The following GTF3C1 variants were observed in gnomAD, a reference collection of about 807,000 sequenced individuals.
The protein encoded by GTF3C1 is general transcription factor IIIC subunit 1.
GTF3C1 carries 57 observed loss-of-function variants against 226.7 expected under a neutral mutation model. That is an observed-to-expected ratio of 0.25 (90% CI 0.20 to 0.31). GTF3C1 has a LOEUF of 0.31. Ranked by LOEUF, GTF3C1 falls within the 10% of genes least tolerant of loss-of-function variation. The pLI is 1.00. For synonymous variants in GTF3C1, 1,090 were observed against 1,084.8 expected (o/e 1.00, Z -0.09); for missense variants, 2,217 against 2,776.1 (o/e 0.80, Z 4.53).
chr16:27,503,337 G>T (rs565215920), intron 10 of GTF3C1, among the ~76,000 whole-genome samples: 2 of 152,336 alleles, frequency 1.3e-5, no homozygotes, highest in African/African-American at 4.8e-5. Context: ...GGAAGAAACT[G>T]ATGTACAGAC....
At chr16:27,506,757 C>G in intron 9 of GTF3C1, 90 bp downstream of exon 9, 1 of 900,692 alleles carries the variant, frequency 1.1e-6, no homozygotes, top group South Asian at 1.8e-5. Context: ...CAAGGGCAAC[C>G]GCAGGTGTTT....
chr16:27,481,332 AC>A, intron 26 of GTF3C1, 141 bp from the exon 27 acceptor site: 1 of 679,244 alleles, frequency 1.5e-6, no homozygotes, highest in Non-Finnish European at 2.6e-6. Context: ...TCCCCTGGTC[AC>A]CTGTCATCTG....
chr16:27,461,572 C>A lies in GTF3C1; in HGVS notation c.6118-10G>T. On this transcript the variant is annotated splice_polypyrimidine_tract_variant and intron_variant, in intron 36 of 36. Transcript: ENST00000356183. The surrounding 1 kb of genome is among the most constrained non-coding windows in gnomAD (Gnocchi z 5.3). The stretch of plus-strand genomic sequence containing the variant: ...CGAGGGACTCCAGGCCCTGGAGACA[C>A]CAGACACACAGGTTACAGCGGCACT... The A allele has an allele frequency of 6.2e-7, 1 of 1,602,014 alleles. No individual in the cohort carries two copies.
In GTF3C1 at chr16:27,506,073, C is replaced by T. The variant is rs781464590; in HGVS notation, c.1596G>A (p.Pro532=). 9.3e-6 allele frequency: 15 copies of T among 1,613,496 alleles called. No homozygotes were observed. Among genetic ancestry groups the T allele is most frequent in the African/African-American group, 1.3e-5 (1 of 74,902 alleles). Residue 532 remains proline, a synonymous_variant, in exon 10 of 37, where the codon CCG becomes CCA. Coordinates refer to ENST00000356183, the MANE Select transcript of GTF3C1 (RefSeq NM_001520.4). ...CTTCAGCAGCTCCTGGGAAGGAGGGCGGCTGCTTTTTCAATGGGTGTAGGT... is the reference window on the plus strand; with the variant it reads ...CTTCAGCAGCTCCTGGGAAGGAGGGTGGCTGCTTTTTCAATGGGTGTAGGT... ...VVNLHPLKKQ[P]PSFPGAAEER... is the part of the protein sequence containing the mutation.
chr16:27,532,034 C>T (rs559197677), intron 5 of GTF3C1, among the ~76,000 whole-genome samples: 12 of 152,288 alleles, frequency 7.9e-5, no homozygotes, highest in Admixed American at 3.9e-4. Flanking sequence ...AGGTGGACTG[C>T]GGGGGACCCA....
At position 27,531,010 on chromosome 16, in the gene GTF3C1, C is replaced by T. The variant is rs563251563; in HGVS notation, c.849+2281G>A. On this transcript the variant is annotated intron_variant, in intron 5 of 36. Coordinates refer to ENST00000356183, the MANE Select transcript of GTF3C1 (RefSeq NM_001520.4). ...CCAGCCCTCATGACCACAACCTCGC[C>T]ACCTTCTTCCCATCCCCTTCCCTCC... Among the ~76,000 whole-genome samples, 7 of 152,280 alleles carry T rather than the reference C, an allele frequency of 4.6e-5. No individual in the cohort carries two copies. The East Asian group carries it at 1.4e-3, about 29-fold the overall frequency.
At chr16:27,511,099 T>G (rs2088565109) in intron 7 of GTF3C1, among the ~76,000 whole-genome samples, 1 of 152,238 alleles carries the variant, frequency 6.6e-6, no homozygotes. Flanking sequence ...AGGTTTTATC[T>G]CTGGGTGTGT....
chr16:27,473,389 C>A (rs1200000364), intron 29 of GTF3C1, among the ~76,000 whole-genome samples: 3 of 152,252 alleles, frequency 2.0e-5, no homozygotes, highest in Admixed American at 2.0e-4. Flanking sequence ...CTGCAAAGGG[C>A]AAGCAACCAG....
intron 1 of GTF3C1, among the ~76,000 whole-genome samples, chr16:27,548,630 C>T (rs1334746024): frequency 1.3e-5 from 2 of 152,142 alleles, no homozygotes; most frequent in African/African-American, 4.8e-5. Flanking sequence ...AGAGCACAGA[C>T]GCTGAAAATA....
rs371577461 is a variant in GTF3C1 at position 27,543,941 on chromosome 16, G to A, written c.431+1373C>T. Among the ~76,000 whole-genome samples, 27 of 152,280 alleles carry A rather than the reference G, an allele frequency of 1.8e-4. No individual in the cohort carries two copies. In the East Asian group the frequency reaches 4.6e-3, roughly 26 times the overall value. ...GTGGGCAAAGGAGTGAAGGGGAGGTGAAGAGGGAGAAACAGTGAATGGGGG... is the reference window on the plus strand; with the variant it reads ...GTGGGCAAAGGAGTGAAGGGGAGGTAAAGAGGGAGAAACAGTGAATGGGGG... On this transcript the variant is annotated intron_variant, in intron 2 of 36. Coordinates refer to ENST00000356183, the MANE Select transcript of GTF3C1 (RefSeq NM_001520.4).
intron 2 of GTF3C1, among the ~76,000 whole-genome samples, chr16:27,541,534 G>GA (rs1394745261): frequency 6.6e-6 from 1 of 152,170 alleles, no homozygotes; most frequent in Non-Finnish European, 1.5e-5. Context: ...ATCTAGTGAG[G>GA]AAACAGTGAC....
intron 10 of GTF3C1, among the ~76,000 whole-genome samples, chr16:27,504,745 C>T (rs937462678): frequency 1.3e-5 from 2 of 151,708 alleles, no homozygotes; most frequent in Non-Finnish European, 2.9e-5. Context: ...ATGAAACCAT[C>T]TCTACAAAAA....
In GTF3C1 at chr16:27,464,632, A is replaced by G. The variant is rs762653996; in HGVS notation, c.5560T>C (p.Ser1854Pro). Residue 1854 changes from serine (S) to proline (P), a missense_variant, in exon 34 of 37, where the codon TCT becomes CCT. Around this residue, in one of 12 missense-constraint regions of GTF3C1, gnomAD observed 455 missense variants for 441.9 expected, o/e 1.03. Transcript: ENST00000356183. ...CTCTTGGTGCCCCGGGGGCTGTGAGAAGGAGGTGCCTGCCCCTCGGGGGGG... is the reference window on the plus strand; with the variant it reads ...CTCTTGGTGCCCCGGGGGCTGTGAGGAGGAGGTGCCTGCCCCTCGGGGGGG... ...DSPPEGQAPP[S>P]HSPRGTKRRA... 6 of 1,509,626 alleles carry G rather than the reference A, an allele frequency of 4.0e-6. No homozygotes were observed. The East Asian group carries it at 1.2e-4, about 30-fold the overall frequency. The allele number at this position is 1,509,626 out of a possible 1,614,324, so 93.5% of individuals were successfully genotyped here. A position where few individuals can be genotyped will look rare whatever the true frequency, so the allele number is the denominator to read the frequency against.
At chr16:27,506,779 G>C in intron 9 of GTF3C1, 68 bp downstream of exon 9, 1 of 1,167,542 alleles carries the variant, frequency 8.6e-7, no homozygotes, top group Non-Finnish European at 1.2e-6. Flanking sequence ...CTGAACTGAA[G>C]GGGTGTTTCT....
rs1274755044 is a variant in GTF3C1 at position 27,486,039 on chromosome 16, C to G, written c.3816G>C (p.Leu1272=). The G allele has an allele frequency of 6.2e-7, 1 of 1,612,478 alleles. No homozygotes were observed. The highest frequency in any genetic ancestry group is 8.5e-7 in the Non-Finnish European group (1 of 1,178,792). ...RVTWSMQEDG[L]LVLCRIASNV... is the part of the protein sequence containing the mutation. ...TGCTGGCAATGCGGCACAGCACAAG[C>G]AGCCCATCCTCCTGCATAGACCAGG... The change falls in exon 24 of 37, where the codon CTG becomes CTC. Residue 1272 remains leucine (L), a synonymous_variant. Transcript: ENST00000356183.
intron 5 of GTF3C1, among the ~76,000 whole-genome samples, chr16:27,531,050 C>G (rs909176090): frequency 2.0e-5 from 3 of 152,156 alleles, no homozygotes; most frequent in Admixed American, 6.5e-5. Flanking sequence ...GCTCATATGC[C>G]TAGACTGCAA....
At position 27,549,802 on chromosome 16, in the gene GTF3C1, G is replaced by T; in HGVS notation, c.89C>A (p.Thr30Lys). The stretch of plus-strand genomic sequence containing the variant: ...AGGCAGCGGGAAGGGCGGCACTCGC[G>T]TCTCCAGCCGGCTCCACAGCGCTGG... ...CLPALWSRLE[T>K]RVPPFPLPLE... is the part of the protein sequence containing the mutation. Residue 30 changes from threonine (T) to lysine (K), a missense_variant, in exon 1 of 37, where the codon ACG becomes AAG. Physicochemically the swap from Thr to Lys is moderately conservative, Grantham distance 78. Around this residue, in one of 12 missense-constraint regions of GTF3C1, gnomAD observed 192 missense variants for 251.8 expected, o/e 0.76. Coordinates refer to ENST00000356183, the MANE Select transcript of GTF3C1 (RefSeq NM_001520.4). 1 of 1,612,974 alleles carries T rather than the reference G, an allele frequency of 6.2e-7. No homozygotes were observed. The highest frequency in any genetic ancestry group is 8.5e-7 in the Non-Finnish European group (1 of 1,179,842).
chr16:27,507,286 G>A lies in GTF3C1; in HGVS notation c.1243-130C>T. On this transcript the variant is annotated intron_variant, in intron 8 of 36. Transcript: ENST00000356183. This position sits in a 1 kb window ranked among gnomAD's most constrained non-coding sequence, Gnocchi z 4.9. Reference sequence around the variant, plus strand: ...CTCCTGTCTTACTGCCTGGGCCCTGGGTTGGGCACCACTGATGCTCCCTCC... The same window carrying A: ...CTCCTGTCTTACTGCCTGGGCCCTGAGTTGGGCACCACTGATGCTCCCTCC... 1 of 684,248 alleles carries A rather than the reference G, an allele frequency of 1.5e-6. No homozygotes were observed. The highest frequency in any genetic ancestry group is 2.7e-5 in the East Asian group (1 of 37,466). The allele number at this position is 684,248 out of a possible 1,614,324, so 42.4% of individuals were successfully genotyped here. A position where few individuals can be genotyped will look rare whatever the true frequency, so the allele number is the denominator to read the frequency against.
At chr16:27,464,270 G>T in intron 34 of GTF3C1, 50 bp downstream of exon 34, 1 of 1,284,584 alleles carries the variant, frequency 7.8e-7, no homozygotes, top group East Asian at 2.8e-5. Context: ...GCGGAGGGGA[G>T]GGAAAGCCAG....
Sources: allele counts gnomAD v4.1 joint callset (sites outside exome capture counted in the v4.1 genomes callset), GRCh38; gene constraint gnomAD v4.1.1; regional missense constraint gnomAD v4.1.1; non-coding constraint Gnocchi (gnomAD v3.1); transcripts MANE v1.5; gene names NCBI Gene and HGNC (gene_info 2026-07-23, HGNC 2026-07-21).